DLG2: variants seen among roughly 807,000 people sequenced by gnomAD.
DLG2 encodes disks large homolog 2.
Under a neutral mutation model 132.5 loss-of-function variants are expected in DLG2, and 45 were observed. The observed-to-expected ratio is 0.34, with a 90% CI of 0.27 to 0.44. The LOEUF (loss-of-function observed/expected upper bound fraction) is 0.44, where lower values mean the gene tolerates loss of function less well. DLG2 is among the 20% of genes least tolerant of loss of function. The pLI, the probability that DLG2 is intolerant of heterozygous loss-of-function variation, is 1.00. For synonymous variants in DLG2, 424 were observed against 419.6 expected (o/e 1.01, Z -0.13); for missense variants, 1,045 against 1,196.9 (o/e 0.87, Z 1.87).
At chr11:83,634,058 C>G (rs2064164564) in intron 18 of DLG2, among the ~76,000 whole-genome samples, 1 of 151,796 alleles carries the variant, frequency 6.6e-6, no homozygotes, top group South Asian at 2.1e-4. Flanking sequence ...ACCTGACAAT[C>G]AAGAGTTTGG....
chr11:85,426,090 A>T (rs866161546), intron 3 of DLG2, among the ~76,000 whole-genome samples: 1 of 152,022 alleles, frequency 6.6e-6, no homozygotes, highest in South Asian at 2.1e-4. Flanking sequence ...AGGCTGAGGG[A>T]GGGGCGCCCG....
chr11:83,604,153 G>C (rs1489778291), intron 19 of DLG2, among the ~76,000 whole-genome samples: 1 of 152,128 alleles, frequency 6.6e-6, no homozygotes, highest in Non-Finnish European at 1.5e-5. Context: ...AAAACAAAAA[G>C]ACAGCACTGT....
intron 19 of DLG2, chr11:83,632,289 G>A (rs1192120430): frequency 1.3e-5 from 2 of 152,120 alleles, no homozygotes; most frequent in Non-Finnish European, 2.9e-5. Context: ...TAACATATAC[G>A]TCATGCCTAA....
intron 3 of DLG2, among the ~76,000 whole-genome samples, chr11:85,390,126 C>A (rs2086672241): frequency 6.6e-6 from 1 of 151,920 alleles, no homozygotes; most frequent in African/African-American, 2.4e-5. Flanking sequence ...GACACATAAC[C>A]ACTCACATAA....
rs919516196 is a variant in DLG2 at position 83,484,349 on chromosome 11, C to G, written c.2194-121G>C. The G allele has an allele frequency of 1.4e-5, 10 of 696,328 alleles. No individual in the cohort carries two copies. In the South Asian group the frequency reaches 1.8e-4, roughly 13 times the overall value. The allele number at this position is 696,328 out of a possible 1,614,324, so 43.1% of individuals were successfully genotyped here. ...GCTGTAGTGACGCAAGTGGATAATT[C>G]TAAAGTGGTGCCAGAGAGTTCTAAA... On this transcript the variant is annotated intron_variant, in intron 21 of 27. Coordinates refer to ENST00000376104, the MANE Select transcript of DLG2 (RefSeq NM_001142699.3).
At chr11:83,483,291 GGGATGTCC>G in intron 22 of DLG2, 1 of 1,612,748 alleles carries the variant, frequency 6.2e-7, no homozygotes, top group Non-Finnish European at 8.5e-7. Context: ...ACCTAATCCG[GGGATGTCC>G]TGCATGGAAG....
At chr11:83,676,439 T>C (rs2153585480) in intron 18 of DLG2, among the ~76,000 whole-genome samples, 1 of 152,304 alleles carries the variant, frequency 6.6e-6, no homozygotes, top group African/African-American at 2.4e-5. Flanking sequence ...TATATTCCCT[T>C]TGTTGAGCAA....
At chr11:85,434,359 C>A (rs2091359137) in intron 3 of DLG2, among the ~76,000 whole-genome samples, 2 of 150,432 alleles carry the variant, frequency 1.3e-5, no homozygotes, top group Admixed American at 1.3e-4. Context: ...ACGAAAAACC[C>A]TTCAAAAAAT....
chr11:83,546,525 T>C (rs916620294), intron 19 of DLG2, among the ~76,000 whole-genome samples: 1 of 152,160 alleles, frequency 6.6e-6, no homozygotes, highest in Non-Finnish European at 1.5e-5. Context: ...CCAACACAGG[T>C]GAGTTCCTCT....
intron 21 of DLG2, among the ~76,000 whole-genome samples, chr11:83,516,278 A>G (rs1238238614): frequency 6.6e-6 from 1 of 152,090 alleles, no homozygotes; most frequent in Admixed American, 6.5e-5. Flanking sequence ...ACCATTATGT[A>G]ATGGCCTTCT....
At chr11:83,941,615 A>C (rs1209908863) in intron 14 of DLG2, among the ~76,000 whole-genome samples, 1 of 151,870 alleles carries the variant, frequency 6.6e-6, no homozygotes, top group East Asian at 1.9e-4. Flanking sequence ...TCTTGTTTTG[A>C]ACTCTTGACC....
At position 84,176,285 on chromosome 11, in the gene DLG2, C is replaced by T. The variant is rs190894033; in HGVS notation, c.574-12774G>A. On this transcript the variant is annotated intron_variant, in intron 8 of 27. Coordinates refer to ENST00000376104, the MANE Select transcript of DLG2 (RefSeq NM_001142699.3). ...TTTTAAATAATTGTAGTTAATATTGCTGAAGATTTACTATATGCTAAGCAG... is the reference window on the plus strand; with the variant it reads ...TTTTAAATAATTGTAGTTAATATTGTTGAAGATTTACTATATGCTAAGCAG... 1.7e-4 allele frequency among the ~76,000 whole-genome samples: 25 copies of T among 149,112 alleles called. No individual in the cohort carries two copies. The East Asian group carries it at 4.9e-3, about 29-fold the overall frequency.
At chr11:84,351,831 G>T (rs2098575539) in intron 7 of DLG2, among the ~76,000 whole-genome samples, 1 of 152,144 alleles carries the variant, frequency 6.6e-6, no homozygotes, top group Non-Finnish European at 1.5e-5. Flanking sequence ...AACAATGGAG[G>T]AGAAGTAGAA....
At chr11:85,223,085 T>C (rs1183912999) in intron 4 of DLG2, among the ~76,000 whole-genome samples, 1 of 152,136 alleles carries the variant, frequency 6.6e-6, no homozygotes, top group Admixed American at 6.6e-5. Flanking sequence ...GCAAATCAAA[T>C]GCCAAGAAAG....
Position 83,823,345 on chromosome 11 carries a change from C to T in DLG2, c.1722+10269G>A, listed in dbSNP as rs562998056. Among the ~76,000 whole-genome samples the T allele has an allele frequency of 6.9e-4, 105 of 152,150 alleles. 1 individual carries two copies. Among genetic ancestry groups the T allele is most frequent in the African/African-American group, 2.4e-3 (101 of 41,502 alleles). ...ACTTGTATAGGAAGTCCTTGCTACCCAAATTTTTTGGAAGAAGAGAATATG... is the reference window on the plus strand; with the variant it reads ...ACTTGTATAGGAAGTCCTTGCTACCTAAATTTTTTGGAAGAAGAGAATATG... On this transcript the variant is annotated intron_variant, in intron 17 of 27. Coordinates refer to ENST00000376104, the MANE Select transcript of DLG2 (RefSeq NM_001142699.3).
Position 85,599,744 on chromosome 11 carries a change from A to T in DLG2, c.-92-956T>A, listed in dbSNP as rs543301941. Reference sequence around the variant, plus strand: ...TCTCTGATGGTTAAAATTAATCATCATTCCGTCTTCTTCTAAACCACTTTG... The same window carrying T: ...TCTCTGATGGTTAAAATTAATCATCTTTCCGTCTTCTTCTAAACCACTTTG... On this transcript the variant is annotated intron_variant, in intron 2 of 27. Coordinates refer to ENST00000376104, the MANE Select transcript of DLG2 (RefSeq NM_001142699.3). 4.6e-5 allele frequency among the ~76,000 whole-genome samples: 7 copies of T among 152,330 alleles called. No homozygotes were observed. In the South Asian group the frequency reaches 1.4e-3, roughly 32 times the overall value.
chr11:85,217,903 C>CG (rs1554991276), intron 4 of DLG2, among the ~76,000 whole-genome samples: 3 of 152,142 alleles, frequency 2.0e-5, no homozygotes, highest in African/African-American at 7.2e-5. Flanking sequence ...TAAAGTCTTA[C>CG]TTTTTTTTGA....
chr11:83,689,773 G>A (rs898051120), intron 18 of DLG2, among the ~76,000 whole-genome samples: 1 of 151,494 alleles, frequency 6.6e-6, no homozygotes, highest in African/African-American at 2.4e-5. Context: ...TTCCCATTGG[G>A]ATATATTCAT....
intron 6 of DLG2, chr11:84,887,540 T>C (rs1229210860): frequency 6.6e-6 from 1 of 152,170 alleles, no homozygotes; most frequent in African/African-American, 2.4e-5. Flanking sequence ...ATATCAATTA[T>C]GTCAGTTTCC....
Sources: allele counts gnomAD v4.1 joint callset (sites outside exome capture counted in the v4.1 genomes callset), GRCh38; gene constraint gnomAD v4.1.1; transcripts MANE v1.5; gene names NCBI Gene and HGNC (gene_info 2026-07-23, HGNC 2026-07-21).